MYRIP: variants seen among roughly 807,000 people sequenced by gnomAD.
The protein encoded by MYRIP is rab effector MyRIP.
A neutral mutation model predicts 98.0 loss-of-function variants in MYRIP; 49 were observed. That is an observed-to-expected ratio of 0.50 (90% confidence interval 0.40 to 0.63). MYRIP has a LOEUF of 0.63. Ranked by LOEUF, MYRIP falls within the 30% of genes least tolerant of loss-of-function variation. The probability of loss-of-function intolerance (pLI) is 0.00; values close to 1 mark genes in which losing one functional copy is unlikely to be tolerated. For missense variants in MYRIP, 1,004 were observed against 1,058.2 expected (o/e 0.95, Z 0.71); for synonymous variants, 404 against 409.5 (o/e 0.99, Z 0.16).
At chr3:39,833,646 T>G (rs1941538939) in intron 1 of MYRIP, among the ~76,000 whole-genome samples, 1 of 152,104 alleles carries the variant, frequency 6.6e-6, no homozygotes, top group African/African-American at 2.4e-5. Context: ...TTTATTGAAT[T>G]TAGAAAAAAT....
chr3:40,064,192 C>G (rs9311231), intron 3 of MYRIP, among the ~76,000 whole-genome samples: 42,626 of 151,586 alleles, frequency 0.28, 6,078 homozygotes, highest in East Asian at 0.35. Context: ...GACAGTACCC[C>G]CCTTTTACAG....
intron 2 of MYRIP, among the ~76,000 whole-genome samples, chr3:39,946,466 A>G (rs1057171497): frequency 6.6e-6 from 1 of 152,108 alleles, no homozygotes; most frequent in Non-Finnish European, 1.5e-5. Flanking sequence ...CAAGCCCTTT[A>G]AGAACAGAGT....
chr3:40,198,973 G>A (rs1951477762), intron 10 of MYRIP, among the ~76,000 whole-genome samples: 1 of 152,116 alleles, frequency 6.6e-6, no homozygotes, highest in Non-Finnish European at 1.5e-5. Flanking sequence ...AACCAGAGTA[G>A]GAAAGATAAG....
rs543949243 is a variant in MYRIP at position 40,179,070 on chromosome 3, T to C, written c.874-3150T>C. The stretch of plus-strand genomic sequence containing the variant: ...GGCACAGAGGGCTCAGCCAGCGTTA[T>C]AAGCCAGTATAATAAACAAATAAAT... On this transcript the variant is annotated intron_variant, in intron 8 of 16. Coordinates refer to ENST00000302541, the MANE Select transcript of MYRIP (RefSeq NM_015460.4). Among the ~76,000 whole-genome samples, 60 of 152,364 alleles carry C rather than the reference T, an allele frequency of 3.9e-4. 3 individuals are homozygous for C. Among genetic ancestry groups the C allele is most frequent in the Admixed American group, 3.6e-3 (55 of 15,306 alleles).
At chr3:39,899,115 C>T (rs1943684842) in intron 1 of MYRIP, among the ~76,000 whole-genome samples, 1 of 152,138 alleles carries the variant, frequency 6.6e-6, no homozygotes, top group Non-Finnish European at 1.5e-5. Context: ...AGAAGTACCA[C>T]ATTCCACTTT....
Position 40,190,166 on chromosome 3 carries a change from G to C in MYRIP, c.1368G>C (p.Glu456Asp). The stretch of plus-strand genomic sequence containing the variant: ...CTGAGGCCATGTGCTCTGACTCGGA[G>C]ACCTCCTCCGCAGGCTCTTCCCGAG... ...PNPEAMCSDS[E>D]TSSAGSSREV... is the part of the protein sequence containing the mutation. The change falls in exon 10 of 17, where the codon GAG becomes GAC. Residue 456 changes from glutamate (E) to aspartate (D), a missense_variant. By Grantham distance (45) the Glu-to-Asp change is conservative. Coordinates refer to ENST00000302541, the MANE Select transcript of MYRIP (RefSeq NM_015460.4). 6.2e-7 allele frequency: 1 copy of C among 1,614,134 alleles called. No individual in the cohort carries two copies. Among genetic ancestry groups the C allele is most frequent in the East Asian group, 2.2e-5 (1 of 44,854 alleles).
intron 1 of MYRIP, among the ~76,000 whole-genome samples, chr3:39,839,547 C>T (rs115716720): frequency 0.013 from 1,945 of 152,226 alleles, 46 homozygotes; most frequent in African/African-American, 0.044. Flanking sequence ...CATGGGCCAC[C>T]GCGCCTGCCC....
At chr3:40,012,171 T>C (rs1170709027) in intron 2 of MYRIP, among the ~76,000 whole-genome samples, 1 of 152,340 alleles carries the variant, frequency 6.6e-6, no homozygotes, top group East Asian at 1.9e-4. Context: ...TTACGGTTTA[T>C]CTCACAGCTT....
chr3:40,167,321 A>C (rs1950521322), intron 7 of MYRIP, 82 bp downstream of exon 7: 1 of 1,253,278 alleles, frequency 8.0e-7, no homozygotes, highest in Admixed American at 1.9e-5. Context: ...CAGGTGAAAC[A>C]TGGGGAGTGT....
intron 2 of MYRIP, chr3:39,970,245 T>G (rs1258825191): frequency 6.6e-6 from 1 of 152,026 alleles, no homozygotes; most frequent in African/African-American, 2.4e-5. Flanking sequence ...GCATTGGCAG[T>G]TTTTGATAGT....
intron 2 of MYRIP, among the ~76,000 whole-genome samples, chr3:39,959,881 C>T (rs1945277739): frequency 6.6e-6 from 1 of 152,074 alleles, no homozygotes; most frequent in Non-Finnish European, 1.5e-5. Context: ...CTGTCTAGCA[C>T]CATGGTGTTC....
rs866103000 is a variant in MYRIP at position 40,190,175 on chromosome 3, C to T, written c.1377C>T (p.Ser459=). The T allele has an allele frequency of 1.5e-5, 24 of 1,614,164 alleles. No homozygotes were observed. The Middle Eastern group carries it at 6.6e-4, about 44-fold the overall frequency. Residue 459 remains serine, a synonymous_variant, in exon 10 of 17, where the codon TCC becomes TCT. Transcript: ENST00000302541. Reference sequence around the variant, plus strand: ...TGTGCTCTGACTCGGAGACCTCCTCCGCAGGCTCTTCCCGAGAAGTTGGGC... The same window carrying T: ...TGTGCTCTGACTCGGAGACCTCCTCTGCAGGCTCTTCCCGAGAAGTTGGGC... The part of the protein sequence containing the change: ...EAMCSDSETS[S]AGSSREVGHQ...
At chr3:40,108,214 G>GAGA (rs1949089558) in intron 3 of MYRIP, among the ~76,000 whole-genome samples, 4 of 120,760 alleles carry the variant, frequency 3.3e-5, no homozygotes, top group African/African-American at 1.3e-4. Flanking sequence ...AGAGAGAGAG[G>GAGA]GTGAGTCGAA....
chr3:40,087,925 C>T (rs1012442990), intron 3 of MYRIP, among the ~76,000 whole-genome samples: 1 of 123,564 alleles, frequency 8.1e-6, no homozygotes, highest in East Asian at 2.0e-4. Flanking sequence ...CTGTGCCTCA[C>T]TACACCATTG....
intron 3 of MYRIP, among the ~76,000 whole-genome samples, chr3:40,148,484 C>T (rs539947606): frequency 2.0e-5 from 3 of 152,098 alleles, no homozygotes; most frequent in South Asian, 2.1e-4. Flanking sequence ...CATATTTTTG[C>T]CTTCTTATTG....
At chr3:40,236,779 T>G (rs1461968486) in intron 12 of MYRIP, among the ~76,000 whole-genome samples, 1 of 152,086 alleles carries the variant, frequency 6.6e-6, no homozygotes, top group Non-Finnish European at 1.5e-5. Context: ...TCCTGCAGAG[T>G]CAACTGTGCT....
chr3:40,226,813 C>T (rs910790006), intron 11 of MYRIP, among the ~76,000 whole-genome samples: 1 of 152,178 alleles, frequency 6.6e-6, no homozygotes, highest in Non-Finnish European at 1.5e-5. Context: ...ACAGCAGCAG[C>T]AAGAACCTGC....
intron 2 of MYRIP, among the ~76,000 whole-genome samples, chr3:39,956,691 A>T (rs1945172159): frequency 6.6e-6 from 1 of 152,000 alleles, no homozygotes. Flanking sequence ...AGCAGAACTG[A>T]AGGAAATAGA....
At position 40,100,065 on chromosome 3, in the gene MYRIP, AGAGCCCT is replaced by A. The variant is rs923032997; in HGVS notation, c.333-50981_333-50975del. 6.1e-6 allele frequency: 6 copies of A among 985,162 alleles called. No homozygotes were observed. The African/African-American group carries it at 1.0e-4, about 17-fold the overall frequency. The allele number at this position is 985,162 out of a possible 1,614,324, so 61.0% of individuals were successfully genotyped here. ...TTCACTCTGGTATTGCTCTCTACCC[AGAGCCCT>A]GTGTCTTTTCTTAAGAAGACTACCT... On this transcript the variant is annotated intron_variant, in intron 3 of 16. Coordinates refer to ENST00000302541, the MANE Select transcript of MYRIP (RefSeq NM_015460.4).
Sources: allele counts gnomAD v4.1 joint callset (sites outside exome capture counted in the v4.1 genomes callset), GRCh38; gene constraint gnomAD v4.1.1; transcripts MANE v1.5; gene names NCBI Gene and HGNC (gene_info 2026-07-23, HGNC 2026-07-21).